Variants in SYT17 observed in about 807,000 individuals in gnomAD.
SYT17 encodes the protein synaptotagmin-17.
SYT17 carries 22 observed loss-of-function variants against 46.7 expected under a neutral mutation model. The observed-to-expected ratio is 0.47, with a 90% confidence interval of 0.34 to 0.67. The LOEUF is 0.67. Among genes scored for constraint, SYT17 ranks in the 30% least tolerant of loss-of-function variants. The pLI is 0.01. For missense variants in SYT17, 519 were observed against 612.8 expected (o/e 0.85, Z 1.62); for synonymous variants, 251 against 248.4 (o/e 1.01, Z -0.10).
At chr16:19,235,263 T>C (rs1966837911) in intron 7 of SYT17, among the ~76,000 whole-genome samples, 1 of 152,142 alleles carries the variant, frequency 6.6e-6, no homozygotes, top group African/African-American at 2.4e-5. Context: ...TGGATATTAT[T>C]CTAAACAGTC....
At chr16:19,243,819 CAAAAAAAAAAAA>C (rs760219447) in intron 7 of SYT17, among the ~76,000 whole-genome samples, 1 of 56,920 alleles carries the variant, frequency 1.8e-5, no homozygotes, top group Non-Finnish European at 3.2e-5. Flanking sequence ...AAAACTCCAT[CAAAAAAAAAAAA>C]AAAAAAAAAA....
intron 7 of SYT17, among the ~76,000 whole-genome samples, chr16:19,254,640 C>T (rs905061479): frequency 1.7e-4 from 26 of 152,186 alleles, no homozygotes; most frequent in Non-Finnish European, 3.4e-4. Context: ...AAGCTCATGA[C>T]GTAGATGAAA....
chr16:19,205,132 A>G (rs1320260520), intron 5 of SYT17, among the ~76,000 whole-genome samples: 1 of 152,188 alleles, frequency 6.6e-6, no homozygotes, highest in Non-Finnish European at 1.5e-5. Flanking sequence ...AATACAGTAA[A>G]ATAAATGTCA....
chr16:19,200,359 G>A (rs1027765718), intron 5 of SYT17, among the ~76,000 whole-genome samples: 2 of 152,178 alleles, frequency 1.3e-5, no homozygotes, highest in East Asian at 1.9e-4. Flanking sequence ...TATGGAACCC[G>A]ATACATCCAA....
At chr16:19,201,230 A>C (rs1351994060) in intron 5 of SYT17, among the ~76,000 whole-genome samples, 1 of 152,180 alleles carries the variant, frequency 6.6e-6, no homozygotes, top group Non-Finnish European at 1.5e-5. Flanking sequence ...TTGCCTCCCG[A>C]GATTTGTGTG....
chr16:19,196,921 G>A (rs1435873972), intron 5 of SYT17, among the ~76,000 whole-genome samples: 1 of 152,090 alleles, frequency 6.6e-6, no homozygotes, highest in South Asian at 2.1e-4. Context: ...ATTGGACCCG[G>A]TACTTGGAAA....
intron 5 of SYT17, among the ~76,000 whole-genome samples, chr16:19,219,564 T>C (rs1022535798): frequency 2.0e-5 from 3 of 152,186 alleles, no homozygotes; most frequent in African/African-American, 7.2e-5. Context: ...TCAACTGCAT[T>C]GAGGCGGAAC....
chr16:19,246,997 G>A (rs985079580), intron 7 of SYT17, among the ~76,000 whole-genome samples: 1 of 152,162 alleles, frequency 6.6e-6, no homozygotes, highest in Non-Finnish European at 1.5e-5. Context: ...TGGGGTGAGG[G>A]TGACAGTTAT....
intron 5 of SYT17, among the ~76,000 whole-genome samples, chr16:19,212,673 C>T (rs1965952266): frequency 6.6e-6 from 1 of 152,170 alleles, no homozygotes; most frequent in South Asian, 2.1e-4. Flanking sequence ...TGGCATGGTT[C>T]CGTTTTCTTT....
At chr16:19,202,419 G>A (rs2142744389) in intron 5 of SYT17, among the ~76,000 whole-genome samples, 1 of 152,340 alleles carries the variant, frequency 6.6e-6, no homozygotes, top group Non-Finnish European at 1.5e-5. Context: ...GTTGTGTGTG[G>A]TGCTTTCACG....
intron 7 of SYT17, among the ~76,000 whole-genome samples, chr16:19,235,069 T>C (rs1966831761): frequency 6.6e-6 from 1 of 152,082 alleles, no homozygotes; most frequent in Admixed American, 6.6e-5. Flanking sequence ...GACCTGGCAG[T>C]AGGCACTCAG....
chr16:19,180,473 C>T lies in SYT17; in HGVS notation c.265C>T (p.Pro89Ser). 1 of 1,614,192 alleles carries T rather than the reference C, an allele frequency of 6.2e-7. No homozygotes were observed. The highest frequency in any genetic ancestry group is 8.5e-7 in the Non-Finnish European group (1 of 1,180,030). The change falls in exon 4 of 8, where the codon CCG (proline) becomes TCG (serine). Residue 89 changes from proline (P) to serine (S), a missense_variant. By Grantham distance (74) the Pro-to-Ser change is moderately conservative. Coordinates refer to ENST00000355377, the MANE Select transcript of SYT17 (RefSeq NM_016524.4). ...CCCGCTGACCCCACGGACCAATTCC[C>T]CGGATGGAAGACGCTCGTCCTCAGA... is the stretch of plus-strand genomic sequence containing the variant. Reference protein sequence around the residue: ...EVPLTPRTNSPDGRRSSSDTS... With the variant: ...EVPLTPRTNSSDGRRSSSDTS...
intron 7 of SYT17, among the ~76,000 whole-genome samples, chr16:19,253,915 G>A (rs188842144): frequency 3.3e-5 from 5 of 152,216 alleles, no homozygotes; most frequent in Admixed American, 3.3e-4. Flanking sequence ...TTTTAGTAGA[G>A]ATGGGGTTTC....
intron 7 of SYT17, among the ~76,000 whole-genome samples, chr16:19,249,757 A>C (rs1352968520): frequency 6.6e-6 from 1 of 152,138 alleles, no homozygotes; most frequent in East Asian, 1.9e-4. Context: ...TGGGTAGACA[A>C]AATATGAAGG....
chr16:19,207,166 A>G (rs894579948), intron 5 of SYT17, among the ~76,000 whole-genome samples: 1 of 152,234 alleles, frequency 6.6e-6, no homozygotes. Flanking sequence ...TGACAAAAGT[A>G]GAAGCAGCCT....
At chr16:19,176,195 G>A (rs2142526334) in intron 3 of SYT17, among the ~76,000 whole-genome samples, 1 of 152,252 alleles carries the variant, frequency 6.6e-6, no homozygotes, top group South Asian at 2.1e-4. Context: ...TGTTAAGCTT[G>A]TTTTCTCCAT....
Position 19,246,068 on chromosome 16 carries a change from C to T in SYT17, c.1229-20812C>T, listed in dbSNP as rs140425303. Among the ~76,000 whole-genome samples, 660 of 151,034 alleles carry T rather than the reference C, an allele frequency of 4.4e-3. 7 individuals are homozygous for T. The highest frequency in any genetic ancestry group is 0.014 in the African/African-American group (559 of 41,168). ...TCATCCGGGCTGGAGTCCAGTGGTG[C>T]GATCTTGGCTCACTGCAACCTCTGC... On this transcript the variant is annotated intron_variant, in intron 7 of 7. Transcript: ENST00000355377.
chr16:19,183,436 G>A lies in SYT17; in HGVS notation c.332-92G>A. 6.6e-7 allele frequency: 1 copy of A among 1,511,758 alleles called. No homozygotes were observed. Among genetic ancestry groups the A allele is most frequent in the South Asian group, 1.2e-5 (1 of 80,876 alleles). 93.6% of individuals were successfully genotyped at this position (1,511,758 alleles called of 1,614,324 possible). ...AGATGGCAAAGGTCATTCTGAAGCA[G>A]AGTAAACAATGCAAGAATCTGCTTA... On this transcript the variant is annotated intron_variant, in intron 4 of 7. Coordinates refer to ENST00000355377, the MANE Select transcript of SYT17 (RefSeq NM_016524.4). This position sits in a 1 kb window ranked among gnomAD's most constrained non-coding sequence, Gnocchi z 5.6.
chr16:19,182,363 C>T (rs1051034588), intron 4 of SYT17, among the ~76,000 whole-genome samples: 4 of 152,104 alleles, frequency 2.6e-5, no homozygotes, highest in Admixed American at 1.3e-4. Context: ...TGCAGTGAGC[C>T]GAGATCCGCC....
Sources: allele counts gnomAD v4.1 joint callset (sites outside exome capture counted in the v4.1 genomes callset), GRCh38; gene constraint gnomAD v4.1.1; non-coding constraint Gnocchi (gnomAD v3.1); transcripts MANE v1.5; gene names NCBI Gene and HGNC (gene_info 2026-07-23, HGNC 2026-07-21).